The following DENND5B variants were observed in gnomAD, a reference collection of about 807,000 sequenced individuals.
DENND5B encodes the protein DENN domain-containing protein 5B.
In DENND5B, 34 loss-of-function variants were observed where a neutral mutation model predicts 140.6. That is an observed-to-expected ratio of 0.24 (90% CI 0.18 to 0.32). DENND5B has a LOEUF of 0.32. Among genes scored for constraint, DENND5B ranks in the 10% least tolerant of loss-of-function variants. DENND5B has a pLI of 1.00. For synonymous variants in DENND5B, 551 were observed against 562.1 expected (o/e 0.98, Z 0.28); for missense variants, 1,142 against 1,560.2 (o/e 0.73, Z 4.52).
chr12:31,587,525 CCTT>C (rs1950435648), intron 1 of DENND5B, among the ~76,000 whole-genome samples: 1 of 130,522 alleles, frequency 7.7e-6, no homozygotes, highest in Non-Finnish European at 1.6e-5. Context: ...ACCACAAATA[CCTT>C]TTTTTTTTTT....
At chr12:31,517,116 A>G (rs1365338614) in intron 1 of DENND5B, among the ~76,000 whole-genome samples, 1 of 152,166 alleles carries the variant, frequency 6.6e-6, no homozygotes, top group South Asian at 2.1e-4. Flanking sequence ...AAAAAAACAG[A>G]AATAAAAACT....
intron 17 of DENND5B, 27 bp from the exon 18 acceptor site, chr12:31,392,723 TTC>T: frequency 6.5e-7 from 1 of 1,542,436 alleles, no homozygotes; most frequent in Non-Finnish European, 8.8e-7. Flanking sequence ...AGTGGCTGCA[TTC>T]TCATGGGAGA....
intron 1 of DENND5B, among the ~76,000 whole-genome samples, chr12:31,520,057 A>T (rs927899153): frequency 6.6e-6 from 1 of 152,212 alleles, no homozygotes; most frequent in African/African-American, 2.4e-5. Context: ...TATAGTGTTT[A>T]GGCAATAAAT....
intron 1 of DENND5B, among the ~76,000 whole-genome samples, chr12:31,557,311 C>T (rs1314405805): frequency 1.3e-5 from 2 of 152,122 alleles, no homozygotes; most frequent in Non-Finnish European, 2.9e-5. Context: ...TTTACATTTT[C>T]CTGTATTGCT....
chr12:31,495,952 AC>A, intron 1 of DENND5B, 33 bp from the exon 2 acceptor site: 1 of 1,449,194 alleles, frequency 6.9e-7, no homozygotes, highest in Non-Finnish European at 9.5e-7. Flanking sequence ...AATATCTAGA[AC>A]TTTTCCAAAA....
At chr12:31,478,158 T>C (rs945909971) in intron 3 of DENND5B, among the ~76,000 whole-genome samples, 5 of 152,146 alleles carry the variant, frequency 3.3e-5, no homozygotes, top group African/African-American at 1.2e-4. Flanking sequence ...ACAACAAAAA[T>C]TGAGACATGA....
At chr12:31,555,873 C>A (rs1215953524) in intron 1 of DENND5B, among the ~76,000 whole-genome samples, 1 of 152,204 alleles carries the variant, frequency 6.6e-6, no homozygotes. Flanking sequence ...GGGATATAAT[C>A]TCCTGGTGTG....
At chr12:31,390,930 C>T (rs1166061521) in intron 19 of DENND5B, among the ~76,000 whole-genome samples, 19 of 149,404 alleles carry the variant, frequency 1.3e-4, no homozygotes, top group East Asian at 6.1e-4. Context: ...GCAGGAGAAC[C>T]GCTTGAACCC....
At chr12:31,539,216 C>T (rs553161062) in intron 1 of DENND5B, among the ~76,000 whole-genome samples, 1 of 152,182 alleles carries the variant, frequency 6.6e-6, no homozygotes, top group African/African-American at 2.4e-5. Context: ...AAACCAATAA[C>T]AAGCAACAAC....
intron 3 of DENND5B, among the ~76,000 whole-genome samples, chr12:31,461,245 AT>A (rs1265789969): frequency 6.6e-6 from 1 of 152,024 alleles, no homozygotes; most frequent in Non-Finnish European, 1.5e-5. Flanking sequence ...TTTAGCCTTT[AT>A]TTTGGGGGTA....
intron 7 of DENND5B, among the ~76,000 whole-genome samples, chr12:31,440,854 G>A (rs1476340856): frequency 2.0e-5 from 3 of 152,106 alleles, no homozygotes; most frequent in Non-Finnish European, 1.5e-5. Context: ...TCATGCCTCA[G>A]CCTCCCAAGT....
chr12:31,502,451 A>C (rs1249662597), intron 1 of DENND5B, among the ~76,000 whole-genome samples: 1 of 152,222 alleles, frequency 6.6e-6, no homozygotes, highest in African/African-American at 2.4e-5. Context: ...AATATTCCTA[A>C]GCATAATTAT....
intron 7 of DENND5B, among the ~76,000 whole-genome samples, chr12:31,440,088 A>G (rs2137946861): frequency 6.6e-6 from 1 of 152,310 alleles, no homozygotes; most frequent in East Asian, 1.9e-4. Context: ...TCTCTTAATT[A>G]TCATCCACTT....
chr12:31,390,776 C>T (rs1029814227), intron 19 of DENND5B, among the ~76,000 whole-genome samples: 1 of 152,206 alleles, frequency 6.6e-6, no homozygotes, highest in African/African-American at 2.4e-5. Context: ...GTAATCCCAG[C>T]ACCTTGGGAG....
At position 31,590,812 on chromosome 12, in the gene DENND5B, C is replaced by T; in HGVS notation, c.21G>A (p.Ala7=). 1 of 1,291,498 alleles carries T rather than the reference C, an allele frequency of 7.7e-7. No individual in the cohort carries two copies. The highest frequency in any genetic ancestry group is 9.8e-7 in the Non-Finnish European group (1 of 1,022,532). The allele number at this position is 1,291,498 out of a possible 1,614,324, so 80.0% of individuals were successfully genotyped here. The change falls in exon 1 of 21, where the codon GCG becomes GCA. Residue 7 remains alanine (A), a synonymous_variant. Coordinates refer to ENST00000389082, the MANE Select transcript of DENND5B (RefSeq NM_144973.4). ...GGGAGGAGCCCGAGCCCGGGCCGGGCGCCGCGCAGCTCCCGCTCATCCCGG... is the reference window on the plus strand; with the variant it reads ...GGGAGGAGCCCGAGCCCGGGCCGGGTGCCGCGCAGCTCCCGCTCATCCCGG... MSGSCA[A]PGPGSGSSPA... is the part of the protein sequence containing the mutation.
intron 3 of DENND5B, among the ~76,000 whole-genome samples, chr12:31,468,586 C>T (rs970856756): frequency 5.3e-5 from 8 of 151,850 alleles, no homozygotes; most frequent in African/African-American, 1.4e-4. Context: ...GCAGGAGGAT[C>T]GCTTGGACCC....
chr12:31,577,751 T>A (rs1394517076), intron 1 of DENND5B, among the ~76,000 whole-genome samples: 3 of 148,102 alleles, frequency 2.0e-5, no homozygotes, highest in African/African-American at 7.4e-5. Context: ...TAAACTGGGT[T>A]TCACAGTTTA....
intron 14 of DENND5B, 114 bp downstream of exon 14, chr12:31,409,149 G>A: frequency 8.8e-7 from 1 of 1,137,310 alleles, no homozygotes; most frequent in African/African-American, 1.6e-5. Context: ...ACAGAGACCT[G>A]GGCGTATGTC....
chr12:31,512,133 T>C (rs980408528), intron 1 of DENND5B, among the ~76,000 whole-genome samples: 2 of 151,974 alleles, frequency 1.3e-5, no homozygotes, highest in African/African-American at 4.8e-5. Flanking sequence ...ATCAGGCTGG[T>C]CTCGAACTCC....
Sources: allele counts gnomAD v4.1 joint callset (sites outside exome capture counted in the v4.1 genomes callset), GRCh38; gene constraint gnomAD v4.1.1; transcripts MANE v1.5; gene names NCBI Gene and HGNC (gene_info 2026-07-23, HGNC 2026-07-21).